CDK6: variants seen among roughly 807,000 people sequenced by gnomAD.
CDK6 encodes the protein cyclin dependent kinase 6, also known as cyclin-dependent kinase 6.
Under a neutral mutation model 37.1 loss-of-function variants are expected in CDK6, and 6 were observed. That is an observed-to-expected ratio of 0.16 (90% CI 0.09 to 0.32). The LOEUF is 0.32. CDK6 is among the 10% of genes least tolerant of loss of function. CDK6 has a pLI of 1.00. For synonymous variants in CDK6, 160 were observed against 161.3 expected (o/e 0.99, Z 0.06); for missense variants, 224 against 418.9 (o/e 0.53, Z 4.06).
intron 4 of CDK6, among the ~76,000 whole-genome samples, chr7:92,680,378 G>A (rs1797304467): frequency 2.9e-5 from 4 of 138,478 alleles, no homozygotes; most frequent in Admixed American, 2.3e-4. Flanking sequence ...GTTGCGGTGA[G>A]CCGAGATCAC....
At chr7:92,766,899 G>C (rs1050353669) in intron 3 of CDK6, among the ~76,000 whole-genome samples, 1 of 152,156 alleles carries the variant, frequency 6.6e-6, no homozygotes, top group African/African-American at 2.4e-5. Flanking sequence ...TTTATTTAGT[G>C]AGTCAGTCTT....
In CDK6 at chr7:92,609,856, G is replaced by T. The variant is rs1055095349; in HGVS notation, c.*5284C>A. ...ATGACTAGGCTTTCTTTACTTAAAT[G>T]ATCAAAATGGGTGTATTATCCATCC... On this transcript the variant is annotated 3_prime_UTR_variant, in exon 8 of 8. Transcript: ENST00000424848. 3 of 230,342 alleles carry T rather than the reference G, an allele frequency of 1.3e-5. No homozygotes were observed. Among genetic ancestry groups the T allele is most frequent in the Non-Finnish European group, 2.6e-5 (3 of 116,376 alleles). 14.3% of individuals were successfully genotyped at this position (230,342 alleles called of 1,614,324 possible).
intron 3 of CDK6, among the ~76,000 whole-genome samples, chr7:92,737,511 T>C (rs898821628): frequency 6.6e-6 from 1 of 152,192 alleles, no homozygotes; most frequent in African/African-American, 2.4e-5. Flanking sequence ...TCTCTGACTA[T>C]TGAGATTTCC....
intron 5 of CDK6, among the ~76,000 whole-genome samples, chr7:92,625,542 C>T (rs7786226): frequency 5.4e-4 from 78 of 145,134 alleles, no homozygotes; most frequent in African/African-American, 2.0e-3. Context: ...CAAAAAAAAA[C>T]AAAACAAAAC....
chr7:92,702,101 C>G (rs770463434), intron 4 of CDK6, among the ~76,000 whole-genome samples: 5 of 150,854 alleles, frequency 3.3e-5, no homozygotes, highest in African/African-American at 7.3e-5. Context: ...TAGCCATAAT[C>G]AAATAGAATA....
intron 2 of CDK6, among the ~76,000 whole-genome samples, chr7:92,823,324 G>A (rs1562976011): frequency 6.6e-6 from 1 of 151,542 alleles, no homozygotes; most frequent in Non-Finnish European, 1.5e-5. Context: ...AGAACCAAGT[G>A]GCATCAGTTC....
At chr7:92,706,429 A>T (rs948685567) in intron 4 of CDK6, among the ~76,000 whole-genome samples, 1 of 152,246 alleles carries the variant, frequency 6.6e-6, no homozygotes, top group Non-Finnish European at 1.5e-5. Flanking sequence ...TGACTACAGT[A>T]GGGAAAGAAA....
intron 5 of CDK6, among the ~76,000 whole-genome samples, chr7:92,654,886 C>T (rs1288257778): frequency 6.6e-6 from 1 of 152,092 alleles, no homozygotes; most frequent in African/African-American, 2.4e-5. Flanking sequence ...AAGCCTGTCA[C>T]CCAGGCTGGG....
chr7:92,685,674 T>C (rs1343510249), intron 4 of CDK6, among the ~76,000 whole-genome samples: 1 of 152,160 alleles, frequency 6.6e-6, no homozygotes, highest in Non-Finnish European at 1.5e-5. Context: ...TGGAGTCACT[T>C]ATGCTCACCA....
intron 2 of CDK6, among the ~76,000 whole-genome samples, chr7:92,827,455 T>G (rs956605249): frequency 6.6e-6 from 1 of 152,174 alleles, no homozygotes; most frequent in Non-Finnish European, 1.5e-5. Context: ...CCACATGCCT[T>G]GCAGTCCCTC....
intron 5 of CDK6, among the ~76,000 whole-genome samples, chr7:92,652,741 T>A (rs1017637614): frequency 6.6e-6 from 1 of 152,212 alleles, no homozygotes; most frequent in African/African-American, 2.4e-5. Context: ...TCTCAGAGCT[T>A]CTGTGAAGAG....
At chr7:92,705,696 A>G (rs1278367932) in intron 4 of CDK6, among the ~76,000 whole-genome samples, 1 of 152,218 alleles carries the variant, frequency 6.6e-6, no homozygotes, top group Non-Finnish European at 1.5e-5. Flanking sequence ...AATCTGAAAA[A>G]AGCCAGGGTA....
chr7:92,698,390 C>T (rs1797768215), intron 4 of CDK6, among the ~76,000 whole-genome samples: 2 of 152,324 alleles, frequency 1.3e-5, no homozygotes, highest in South Asian at 4.1e-4. Flanking sequence ...CGCGCTACCA[C>T]ATCCGCACAT....
intron 2 of CDK6, among the ~76,000 whole-genome samples, chr7:92,830,439 A>G (rs548860659): frequency 1.1e-4 from 16 of 152,360 alleles, no homozygotes; most frequent in African/African-American, 3.8e-4. Flanking sequence ...ACTTGAAGGT[A>G]CTTATAAAAG....
At chr7:92,718,823 T>A (rs1290369282) in intron 4 of CDK6, among the ~76,000 whole-genome samples, 1 of 152,250 alleles carries the variant, frequency 6.6e-6, no homozygotes, top group Non-Finnish European at 1.5e-5. Flanking sequence ...TGTTTCTAAC[T>A]AGACATTTCT....
intron 4 of CDK6, among the ~76,000 whole-genome samples, chr7:92,708,484 T>C (rs1028808183): frequency 2.6e-5 from 4 of 152,104 alleles, no homozygotes; most frequent in African/African-American, 9.7e-5. Context: ...CGACCACAAG[T>C]GAGGTATACA....
intron 4 of CDK6, among the ~76,000 whole-genome samples, chr7:92,722,690 T>C (rs1190690319): frequency 6.6e-6 from 1 of 152,170 alleles, no homozygotes; most frequent in African/African-American, 2.4e-5. Flanking sequence ...ATAACATAGC[T>C]CCTTCTCTAT....
At chr7:92,681,370 T>C (rs1293896887) in intron 4 of CDK6, among the ~76,000 whole-genome samples, 1 of 152,200 alleles carries the variant, frequency 6.6e-6, no homozygotes, top group Non-Finnish European at 1.5e-5. Context: ...AATGACTCAC[T>C]GAAGGACCAG....
chr7:92,674,087 C>CTTTTTTTTTTTTTTTT (rs35748209), intron 4 of CDK6, among the ~76,000 whole-genome samples: 1 of 140,530 alleles, frequency 7.1e-6, no homozygotes. Context: ...CCCCTTTCTT[C>CTTTTTTTTTTTTTTTT]TTTTTTTTTT....
Sources: gnomAD v4.1 joint callset for allele counts (sites outside exome capture counted in the v4.1 genomes callset) on GRCh38, gnomAD v4.1.1 for gene constraint, MANE v1.5 for transcripts, NCBI Gene and HGNC (gene_info 2026-07-23, HGNC 2026-07-21) for gene names.